TBC1D22B: variants seen among roughly 807,000 people sequenced by gnomAD.
The protein encoded by TBC1D22B is chromosome 6 open reading frame 197.
A neutral mutation model predicts 69.1 loss-of-function variants in TBC1D22B; 32 were observed. That is an observed-to-expected ratio of 0.46 (90% confidence interval 0.35 to 0.62). TBC1D22B has a LOEUF of 0.62. Among genes scored for constraint, TBC1D22B ranks in the 20% least tolerant of loss-of-function variants. The pLI, the probability that TBC1D22B is intolerant of heterozygous loss-of-function variation, is 0.00. For synonymous variants in TBC1D22B, 206 were observed against 229.8 expected (o/e 0.90, Z 0.94); for missense variants, 462 against 630.9 (o/e 0.73, Z 2.87).
intron 8 of TBC1D22B, among the ~76,000 whole-genome samples, chr6:37,291,735 TAGG>T (rs1292869319): frequency 2.0e-5 from 3 of 152,166 alleles, no homozygotes; most frequent in South Asian, 2.1e-4. Flanking sequence ...TGCTGTATCT[TAGG>T]AGCAGGATGT....
At chr6:37,317,415 C>T (rs533972320) in intron 12 of TBC1D22B, among the ~76,000 whole-genome samples, 1 of 152,244 alleles carries the variant, frequency 6.6e-6, no homozygotes, top group South Asian at 2.1e-4. Context: ...GTGTTTGTGC[C>T]AGAATGGCTG....
intron 8 of TBC1D22B, among the ~76,000 whole-genome samples, chr6:37,301,220 G>T (rs908050997): frequency 6.6e-6 from 1 of 152,166 alleles, no homozygotes; most frequent in South Asian, 2.1e-4. Flanking sequence ...TACAATTTTT[G>T]TGGGTTTTTT....
chr6:37,260,183 G>T (rs1046094862), intron 1 of TBC1D22B, among the ~76,000 whole-genome samples: 1 of 152,138 alleles, frequency 6.6e-6, no homozygotes, highest in Non-Finnish European at 1.5e-5. Context: ...AAATGTTAGG[G>T]CATTTTCTCA....
At chr6:37,266,307 C>A (rs919350325) in intron 1 of TBC1D22B, among the ~76,000 whole-genome samples, 2 of 152,186 alleles carry the variant, frequency 1.3e-5, no homozygotes, top group Non-Finnish European at 2.9e-5. Flanking sequence ...CTTTCAGATA[C>A]TCTGATATTC....
In TBC1D22B at chr6:37,331,194, C is replaced by T. The variant is rs1768572953; in HGVS notation, c.*22C>T. ...ATAGGTGCTGTCTCCTCCGGGGACC[C>T]AGACTGCCTTCATCTCTGATGGCAG... is the stretch of plus-strand genomic sequence containing the variant. On this transcript the variant is annotated 3_prime_UTR_variant, in exon 13 of 13. Transcript: ENST00000373491. 6.2e-7 allele frequency: 1 copy of T among 1,612,912 alleles called. No homozygotes were observed. Among genetic ancestry groups the T allele is most frequent in the Admixed American group, 1.7e-5 (1 of 59,966 alleles).
chr6:37,319,633 C>T (rs1198334186), intron 12 of TBC1D22B, among the ~76,000 whole-genome samples: 1 of 152,248 alleles, frequency 6.6e-6, no homozygotes, highest in Non-Finnish European at 1.5e-5. Context: ...GCTGTATTAA[C>T]ACCTCGATTA....
Position 37,282,267 on chromosome 6 carries a change from G to A in TBC1D22B, c.504G>A (p.Ser168=), listed in dbSNP as rs767807891. 5 of 1,613,990 alleles carry A rather than the reference G, an allele frequency of 3.1e-6. No homozygotes were observed. Among genetic ancestry groups the A allele is most frequent in the East Asian group, 2.2e-5 (1 of 44,888 alleles). ...TCATCCCCCTCGTTGCCCGGATCTCGGATCAGAACGCTTCTGGGGCCCCCC... is the reference window on the plus strand; with the variant it reads ...TCATCCCCCTCGTTGCCCGGATCTCAGATCAGAACGCTTCTGGGGCCCCCC... ...RPIIPLVARI[S]DQNASGAPPM... Residue 168 remains serine (S), a synonymous_variant, in exon 4 of 13, where the codon TCG becomes TCA. Coordinates refer to ENST00000373491, the MANE Select transcript of TBC1D22B (RefSeq NM_017772.4).
chr6:37,279,926 C>T (rs1766775011), intron 3 of TBC1D22B, among the ~76,000 whole-genome samples: 1 of 152,210 alleles, frequency 6.6e-6, no homozygotes, highest in Admixed American at 6.5e-5. Flanking sequence ...CTTCACATTG[C>T]TTTAGGCCTG....
At chr6:37,267,572 T>C (rs1257139071) in intron 1 of TBC1D22B, among the ~76,000 whole-genome samples, 3 of 145,058 alleles carry the variant, frequency 2.1e-5, no homozygotes, top group African/African-American at 5.1e-5. Context: ...CACACACACA[T>C]ATATATATTC....
intron 1 of TBC1D22B, among the ~76,000 whole-genome samples, chr6:37,260,656 C>T (rs1326680382): frequency 1.3e-5 from 2 of 152,306 alleles, no homozygotes; most frequent in African/African-American, 4.8e-5. Context: ...ATCCACCCCA[C>T]TCCAGACCCT....
intron 8 of TBC1D22B, among the ~76,000 whole-genome samples, chr6:37,304,388 CCTAATATCAG>C (rs1438330212): frequency 6.6e-6 from 1 of 152,088 alleles, no homozygotes; most frequent in Non-Finnish European, 1.5e-5. Context: ...ATGAAACAAC[CCTAATATCAG>C]CTAATATGAG....
At chr6:37,292,057 TG>T (rs1767202697) in intron 8 of TBC1D22B, among the ~76,000 whole-genome samples, 1 of 152,218 alleles carries the variant, frequency 6.6e-6, no homozygotes, top group African/African-American at 2.4e-5. Context: ...CCATCTGCCA[TG>T]GCCTGATGCT....
intron 12 of TBC1D22B, among the ~76,000 whole-genome samples, chr6:37,326,732 G>A (rs1036013461): frequency 6.6e-6 from 1 of 152,046 alleles, no homozygotes; most frequent in African/African-American, 2.4e-5. Context: ...AGGTGGTGGT[G>A]AGCCAAGATC....
intron 5 of TBC1D22B, among the ~76,000 whole-genome samples, chr6:37,283,540 T>G (rs1234667594): frequency 6.6e-6 from 1 of 152,210 alleles, no homozygotes; most frequent in African/African-American, 2.4e-5. Context: ...GTCCCCACTC[T>G]CCAGGCACTC....
intron 10 of TBC1D22B, 44 bp from the exon 11 acceptor site, chr6:37,316,659 G>A: frequency 1.2e-6 from 2 of 1,612,400 alleles, no homozygotes; most frequent in African/African-American, 1.3e-5. Context: ...CCCTTTCAGG[G>A]TCCAGTCCCC....
intron 7 of TBC1D22B, among the ~76,000 whole-genome samples, chr6:37,289,347 TCTC>T (rs1261695736): frequency 3.0e-4 from 46 of 152,346 alleles, no homozygotes; most frequent in African/African-American, 1.1e-3. Flanking sequence ...CTCCAGCGGT[TCTC>T]CTATCCACTC....
intron 1 of TBC1D22B, among the ~76,000 whole-genome samples, chr6:37,263,569 A>G (rs1766177296): frequency 6.6e-6 from 1 of 152,020 alleles, no homozygotes; most frequent in South Asian, 2.1e-4. Context: ...GTAGTCTAAC[A>G]CTTTGTTTTT....
rs756855952 is a variant in TBC1D22B, at chr6:37,331,296, C to T, written c.*124C>T. The T allele has an allele frequency of 1.9e-5, 18 of 968,732 alleles. No individual in the cohort carries two copies. Among genetic ancestry groups the T allele is most frequent in the Middle Eastern group, 3.4e-4 (1 of 2,968 alleles). The allele number at this position is 968,732 out of a possible 1,614,324, so 60.0% of individuals were successfully genotyped here. On this transcript the variant is annotated 3_prime_UTR_variant, in exon 13 of 13. Coordinates refer to ENST00000373491, the MANE Select transcript of TBC1D22B (RefSeq NM_017772.4). ...CCTGTTGTACAAAGCTCACACCCAC[C>T]GCCCAGGTCTTAACTTTCTGGCATC...
intron 1 of TBC1D22B, among the ~76,000 whole-genome samples, chr6:37,267,091 C>G (rs182162790): frequency 2.3e-4 from 35 of 150,956 alleles, no homozygotes; most frequent in Non-Finnish European, 4.9e-4. Context: ...CATGCACCAC[C>G]ACAGTTGGCT....
Sources: gnomAD v4.1 joint callset for allele counts (sites outside exome capture counted in the v4.1 genomes callset) on GRCh38, gnomAD v4.1.1 for gene constraint, MANE v1.5 for transcripts, NCBI Gene and HGNC (gene_info 2026-07-23, HGNC 2026-07-21) for gene names.